Variants in CACNG3 observed in about 807,000 individuals in gnomAD.
The protein encoded by CACNG3 is voltage-dependent calcium channel gamma-3 subunit.
CACNG3 carries 3 observed loss-of-function variants against 28.5 expected under a neutral mutation model. That is an observed-to-expected ratio of 0.11 (90% CI 0.05 to 0.27). The LOEUF (loss-of-function observed/expected upper bound fraction) is 0.27. CACNG3 is among the 10% of genes least tolerant of loss of function. The pLI, the probability that CACNG3 is intolerant of heterozygous loss-of-function variation, is 1.00. For missense variants in CACNG3, 236 were observed against 414.4 expected, an observed-to-expected ratio of 0.57 and a Z score of 3.74; for synonymous variants, 174 against 162.2, an observed-to-expected ratio of 1.07 and a Z score of -0.55.
chr16:24,358,607 T>C (rs1289832166), intron 3 of CACNG3, among the ~76,000 whole-genome samples: 1 of 152,180 alleles, frequency 6.6e-6, no homozygotes, highest in South Asian at 2.1e-4. Context: ...GCCATAGCAA[T>C]GAAGGAGATA....
In CACNG3 at chr16:24,355,365, G is replaced by A. The variant is rs1467809156; in HGVS notation, c.436+392G>A. ...ACAGCAGGAGGATTGTTTGAGCCCAGGAGTTCGAGACCAGCTGGGCAGCAC... is the reference window on the plus strand; with the variant it reads ...ACAGCAGGAGGATTGTTTGAGCCCAAGAGTTCGAGACCAGCTGGGCAGCAC... On this transcript the variant is annotated intron_variant, in intron 3 of 3. Coordinates refer to ENST00000005284, the MANE Select transcript of CACNG3 (RefSeq NM_006539.4). 2.3e-4 allele frequency among the ~76,000 whole-genome samples: 10 copies of A among 43,292 alleles called. No homozygotes were observed. The East Asian group carries it at 0.014, about 60-fold the overall frequency. The allele number at this position is 43,292 out of a possible 152,430, so 28.4% of individuals were successfully genotyped here. A position where few individuals can be genotyped will look rare whatever the true frequency, so the allele number is the denominator to read the frequency against.
intron 3 of CACNG3, among the ~76,000 whole-genome samples, chr16:24,358,423 G>C (rs1002391544): frequency 6.6e-6 from 1 of 152,186 alleles, no homozygotes; most frequent in African/African-American, 2.4e-5. Flanking sequence ...TAAATGAGTT[G>C]GTATTGATAA....
chr16:24,335,279 G>T (rs1012246416), intron 1 of CACNG3, among the ~76,000 whole-genome samples: 2 of 152,024 alleles, frequency 1.3e-5, no homozygotes, highest in Admixed American at 6.6e-5. Context: ...AATTAGCTGG[G>T]CGTGGTGGCG....
chr16:24,329,510 G>T (rs142013032), intron 1 of CACNG3, among the ~76,000 whole-genome samples: 8 of 152,130 alleles, frequency 5.3e-5, no homozygotes, highest in African/African-American at 1.4e-4. Context: ...CTCCAGTTTT[G>T]CAGGTTTGAT....
intron 1 of CACNG3, among the ~76,000 whole-genome samples, chr16:24,279,372 C>A (rs1898791138): frequency 6.6e-6 from 1 of 152,168 alleles, no homozygotes; most frequent in Non-Finnish European, 1.5e-5. Context: ...CGGCTTACTG[C>A]AGCCTTGACT....
At chr16:24,296,161 T>C (rs1377230980) in intron 1 of CACNG3, among the ~76,000 whole-genome samples, 2 of 152,184 alleles carry the variant, frequency 1.3e-5, no homozygotes, top group African/African-American at 2.4e-5. Context: ...ACAATTGTCA[T>C]TCTCTTTCTG....
chr16:24,323,175 C>T (rs969810406), intron 1 of CACNG3, among the ~76,000 whole-genome samples: 6 of 125,942 alleles, frequency 4.8e-5, no homozygotes, highest in African/African-American at 1.8e-4. Flanking sequence ...TGCAGTGAGC[C>T]ATAATTGAGC....
At chr16:24,298,984 A>G (rs1384928305) in intron 1 of CACNG3, among the ~76,000 whole-genome samples, 3 of 152,154 alleles carry the variant, frequency 2.0e-5, no homozygotes, top group African/African-American at 4.8e-5. Context: ...ACCACTGATG[A>G]CGTTAGCCTT....
intron 3 of CACNG3, among the ~76,000 whole-genome samples, chr16:24,359,902 C>T (rs1900083364): frequency 6.6e-6 from 1 of 152,204 alleles, no homozygotes; most frequent in East Asian, 1.9e-4. Flanking sequence ...AACTAATAAT[C>T]CTAATGCATG....
At chr16:24,358,162 G>A (rs766480654) in intron 3 of CACNG3, among the ~76,000 whole-genome samples, 3 of 152,106 alleles carry the variant, frequency 2.0e-5, no homozygotes, top group Non-Finnish European at 1.5e-5. Flanking sequence ...CCTTTAAATC[G>A]GTAAATAAGA....
chr16:24,263,523 T>A (rs530333242), intron 1 of CACNG3, among the ~76,000 whole-genome samples: 2 of 152,298 alleles, frequency 1.3e-5, no homozygotes, highest in East Asian at 3.9e-4. Flanking sequence ...CAGCACACTT[T>A]TTCAATGTAG....
chr16:24,359,556 G>C (rs1900079115), intron 3 of CACNG3, among the ~76,000 whole-genome samples: 1 of 152,114 alleles, frequency 6.6e-6, no homozygotes, highest in Admixed American at 6.5e-5. Context: ...GAAATATAAT[G>C]AGAAGTCCTA....
chr16:24,323,236 A>AAT (rs1250336854), intron 1 of CACNG3, among the ~76,000 whole-genome samples: 18 of 144,638 alleles, frequency 1.2e-4, no homozygotes, highest in African/African-American at 4.5e-4. Flanking sequence ...AAAAAAAAAA[A>AAT]AAAAGAGAGA....
chr16:24,334,140 C>T (rs1391807475), intron 1 of CACNG3, among the ~76,000 whole-genome samples: 1 of 152,142 alleles, frequency 6.6e-6, no homozygotes, highest in Non-Finnish European at 1.5e-5. Context: ...TATCATAAAG[C>T]AAAAATCTTC....
At chr16:24,257,384 A>G (rs1254981864) in intron 1 of CACNG3, among the ~76,000 whole-genome samples, 38 of 86,016 alleles carry the variant, frequency 4.4e-4, no homozygotes, top group South Asian at 8.0e-4. Flanking sequence ...AGAGAGAGAG[A>G]GAGAGAGAGA....
intron 1 of CACNG3, among the ~76,000 whole-genome samples, chr16:24,319,322 G>C (rs1899426186): frequency 6.6e-6 from 1 of 152,226 alleles, no homozygotes; most frequent in Admixed American, 6.5e-5. Flanking sequence ...TAATTGTTTT[G>C]AGATAGTTAT....
chr16:24,362,070 A>G lies in CACNG3; in HGVS notation c.*207A>G. 2.0e-6 allele frequency: 1 copy of G among 499,392 alleles called. No individual in the cohort carries two copies. Among genetic ancestry groups the G allele is most frequent in the Non-Finnish European group, 3.5e-6 (1 of 286,866 alleles). The allele number at this position is 499,392 out of a possible 1,614,324, so 30.9% of individuals were successfully genotyped here. On this transcript the variant is annotated 3_prime_UTR_variant, in exon 4 of 4. Transcript: ENST00000005284. ...CTCTAACTTTTCAAGCCAATCCCTT[A>G]ATGTCATTCCTCTCTCTGTGTATCT... is the stretch of plus-strand genomic sequence containing the variant.
At position 24,361,214 on chromosome 16, in the gene CACNG3, G is replaced by A. The variant is rs1900098215; in HGVS notation, c.437-138G>A. On this transcript the variant is annotated intron_variant, in intron 3 of 3. Coordinates refer to ENST00000005284, the MANE Select transcript of CACNG3 (RefSeq NM_006539.4). This position sits in a 1 kb window ranked among gnomAD's most constrained non-coding sequence, Gnocchi z 6.8. ...TGACAGACCATGCAAGAAGAACTAG[G>A]TGGTTGGATTTCCCAGCTATAATCC... 1.5e-6 allele frequency: 1 copy of A among 668,760 alleles called. No individual in the cohort carries two copies. Among genetic ancestry groups the A allele is most frequent in the African/African-American group, 1.8e-5 (1 of 55,356 alleles). The allele number at this position is 668,760 out of a possible 1,614,324, so 41.4% of individuals were successfully genotyped here.
At chr16:24,355,059 T>TC in intron 3 of CACNG3, 86 bp downstream of exon 3, 1 of 1,334,654 alleles carries the variant, frequency 7.5e-7, no homozygotes, top group South Asian at 1.3e-5. Flanking sequence ...TACTCAGGGC[T>TC]CCCTCCAGGG....
Sources: allele counts gnomAD v4.1 joint callset (sites outside exome capture counted in the v4.1 genomes callset), GRCh38; gene constraint gnomAD v4.1.1; non-coding constraint Gnocchi (gnomAD v3.1); transcripts MANE v1.5; gene names NCBI Gene and HGNC (gene_info 2026-07-23, HGNC 2026-07-21).